The following SMIM35 variants were observed in gnomAD, a reference collection of about 807,000 sequenced individuals.
The protein encoded by SMIM35 is small integral membrane protein 35, also known as TMPRSS4 antisense RNA 1 (non-protein coding).
chr11:118,047,577 T>C (rs1298194083), intron 1 of SMIM35, among the ~76,000 whole-genome samples: 1 of 152,172 alleles, frequency 6.6e-6, no homozygotes, highest in Non-Finnish European at 1.5e-5. Flanking sequence ...CACAGCCATC[T>C]CAGAGGATCC....
chr11:118,027,383 T>C (rs974541579), intron 1 of SMIM35, among the ~76,000 whole-genome samples: 6 of 152,090 alleles, frequency 3.9e-5, no homozygotes, highest in African/African-American at 7.2e-5. Flanking sequence ...TTATTGCCCA[T>C]CATTTTGCAG....
At chr11:118,086,467 T>A (rs139304535) in intron 1 of SMIM35, among the ~76,000 whole-genome samples, 295 of 152,358 alleles carry the variant, frequency 1.9e-3, no homozygotes, top group African/African-American at 6.3e-3. Flanking sequence ...AAAGTGCTGC[T>A]CTAATAATGA....
Position 118,072,640 on chromosome 11 carries a change from A to C in SMIM35, c.7+14111T>G, listed in dbSNP as rs553823037. 2.6e-5 allele frequency among the ~76,000 whole-genome samples: 4 copies of C among 152,336 alleles called. No individual in the cohort carries two copies. In the East Asian group the frequency reaches 7.7e-4, roughly 29 times the overall value. The stretch of plus-strand genomic sequence containing the variant: ...GGAGCAGAGAGAGCTGTAAAAATGA[A>C]AAAAGGTTTCCAAACCCCCAAGTGT... On this transcript the variant is annotated intron_variant, in intron 1 of 4. Coordinates refer to ENST00000689828, the MANE Select transcript of SMIM35 (RefSeq NM_001394165.1).
At chr11:118,039,621 G>A (rs747090554) in intron 1 of SMIM35, among the ~76,000 whole-genome samples, 8 of 151,778 alleles carry the variant, frequency 5.3e-5, no homozygotes, top group African/African-American at 4.8e-5. Flanking sequence ...GAGGCGGGAG[G>A]ATTACTTGAG....
chr11:118,007,540 C>T (rs756697421), intron 4 of SMIM35, among the ~76,000 whole-genome samples: 6 of 152,166 alleles, frequency 3.9e-5, no homozygotes, highest in Non-Finnish European at 5.9e-5. Flanking sequence ...GGGCTACAGT[C>T]AGGCACCACC....
chr11:118,049,759 C>T (rs1456601450), intron 1 of SMIM35, among the ~76,000 whole-genome samples: 8 of 151,990 alleles, frequency 5.3e-5, no homozygotes, highest in African/African-American at 7.3e-5. Context: ...AGAGTGCATG[C>T]GCAAAATTGT....
chr11:118,024,824 T>C (rs1006840831), intron 1 of SMIM35, among the ~76,000 whole-genome samples: 3 of 152,112 alleles, frequency 2.0e-5, no homozygotes, highest in Non-Finnish European at 2.9e-5. Context: ...GTTAAATGAG[T>C]ATATTGAATG....
At chr11:118,052,602 T>C (rs1944235037) in intron 1 of SMIM35, among the ~76,000 whole-genome samples, 2 of 152,146 alleles carry the variant, frequency 1.3e-5, no homozygotes, top group Non-Finnish European at 1.5e-5. Context: ...CCACATAGAA[T>C]GCTTCTCTCC....
At chr11:118,082,448 C>T (rs746778728) in intron 1 of SMIM35, among the ~76,000 whole-genome samples, 3 of 152,026 alleles carry the variant, frequency 2.0e-5, no homozygotes, top group East Asian at 1.9e-4. Context: ...GTAATCCCAG[C>T]GACTCGGGAA....
At chr11:118,072,659 C>G (rs1010880363) in intron 1 of SMIM35, among the ~76,000 whole-genome samples, 3 of 152,164 alleles carry the variant, frequency 2.0e-5, no homozygotes, top group Admixed American at 2.0e-4. Flanking sequence ...TCCAAACCCC[C>G]AAGTGTTCTC....
rs376220445 is a variant in SMIM35, at chr11:118,085,081, C to T, written c.7+1670G>A. 6.6e-5 allele frequency among the ~76,000 whole-genome samples: 10 copies of T among 152,236 alleles called. No individual in the cohort carries two copies. In the East Asian group the frequency reaches 7.7e-4, roughly 12 times the overall value. ...AATGTGCACGGTGCTGAGCAGGTGG[C>T]GCACCTTACAGAATCTTTCTCCCCA... On this transcript the variant is annotated intron_variant, in intron 1 of 4. Coordinates refer to ENST00000689828, the MANE Select transcript of SMIM35 (RefSeq NM_001394165.1).
chr11:118,077,243 C>G (rs1166569996), intron 1 of SMIM35: 18 of 1,578,566 alleles, frequency 1.1e-5, no homozygotes, highest in Non-Finnish European at 1.5e-5. Flanking sequence ...CCTCCTGCTG[C>G]CTTGGGGTGA....
chr11:118,071,996 G>A (rs2135142954), intron 1 of SMIM35, among the ~76,000 whole-genome samples: 1 of 148,290 alleles, frequency 6.7e-6, no homozygotes, highest in South Asian at 2.1e-4. Context: ...CTCCTAGAAG[G>A]GAAGGGCAGT....
intron 4 of SMIM35, among the ~76,000 whole-genome samples, chr11:118,009,364 T>C (rs1447886664): frequency 6.6e-6 from 1 of 152,164 alleles, no homozygotes; most frequent in East Asian, 1.9e-4. Context: ...CTTGAACAAA[T>C]CACTTCACGG....
intron 1 of SMIM35, among the ~76,000 whole-genome samples, chr11:118,045,441 T>C (rs1434332633): frequency 6.6e-6 from 1 of 151,756 alleles, no homozygotes; most frequent in Non-Finnish European, 1.5e-5. Context: ...AAGCAGGTGA[T>C]GATAGGGTTT....
chr11:118,016,684 C>G (rs931988790), intron 1 of SMIM35, among the ~76,000 whole-genome samples: 5 of 152,202 alleles, frequency 3.3e-5, no homozygotes, highest in African/African-American at 9.7e-5. Context: ...CTGTGAGACC[C>G]TGACACACAC....
intron 1 of SMIM35, among the ~76,000 whole-genome samples, chr11:118,024,664 G>A (rs1202690898): frequency 6.6e-6 from 1 of 152,046 alleles, no homozygotes; most frequent in Non-Finnish European, 1.5e-5. Context: ...GTAGAGGTGG[G>A]GTTTCACCAT....
At chr11:118,035,683 G>T (rs2135066624) in intron 1 of SMIM35, among the ~76,000 whole-genome samples, 1 of 152,198 alleles carries the variant, frequency 6.6e-6, no homozygotes, top group South Asian at 2.1e-4. Context: ...TTCCCTCCTG[G>T]AGACTCACAC....
intron 1 of SMIM35, among the ~76,000 whole-genome samples, chr11:118,079,252 G>C (rs968575432): frequency 6.6e-6 from 1 of 152,108 alleles, no homozygotes; most frequent in Non-Finnish European, 1.5e-5. Context: ...ATAGCTCCCA[G>C]CCCTGAGGGG....
Sources: allele counts gnomAD v4.1 joint callset (sites outside exome capture counted in the v4.1 genomes callset), GRCh38; gene constraint gnomAD v4.1.1; transcripts MANE v1.5; gene names NCBI Gene and HGNC (gene_info 2026-07-23, HGNC 2026-07-21).